The following EPHA5 variants were observed in gnomAD, a reference collection of about 807,000 sequenced individuals.
EPHA5 encodes the protein EPH receptor A5.
A neutral mutation model predicts 105.0 loss-of-function variants in EPHA5; 60 were observed. The observed-to-expected ratio is 0.57, with a 90% CI of 0.46 to 0.71. The LOEUF is 0.71. EPHA5 is among the 30% of genes least tolerant of loss of function. The pLI, the probability that EPHA5 is intolerant of heterozygous loss-of-function variation, is 0.00. For missense variants in EPHA5, 1,218 were observed against 1,274.7 expected (o/e 0.96, Z 0.68); for synonymous variants, 513 against 449.1 (o/e 1.14, Z -1.80).
intron 8 of EPHA5, among the ~76,000 whole-genome samples, chr4:65,393,368 A>T (rs1242321260): frequency 6.6e-6 from 1 of 152,142 alleles, no homozygotes; most frequent in African/African-American, 2.4e-5. Flanking sequence ...AAGTTTCTGT[A>T]ACAGCCTGTG....
intron 3 of EPHA5, among the ~76,000 whole-genome samples, chr4:65,522,291 G>A (rs1310776613): frequency 8.0e-6 from 1 of 125,324 alleles, no homozygotes; most frequent in East Asian, 2.1e-4. Context: ...ATGAACTTTA[G>A]AAATATGTGT....
intron 15 of EPHA5, among the ~76,000 whole-genome samples, chr4:65,333,509 T>TTG (rs1430354953): frequency 2.7e-5 from 4 of 147,334 alleles, no homozygotes; most frequent in East Asian, 4.0e-4. Flanking sequence ...TAAATCACAA[T>TTG]TGTGTGCGTG....
intron 1 of EPHA5, among the ~76,000 whole-genome samples, chr4:65,664,162 G>T (rs764577420): frequency 1.3e-5 from 2 of 151,808 alleles, no homozygotes. Flanking sequence ...CATGCTAATT[G>T]TTTTGGAAGT....
intron 4 of EPHA5, among the ~76,000 whole-genome samples, chr4:65,494,265 A>T (rs1184913824): frequency 6.6e-6 from 1 of 152,198 alleles, no homozygotes; most frequent in Admixed American, 6.5e-5. Context: ...TTTAGACACT[A>T]TGAAATTCAG....
At chr4:65,604,856 C>T (rs556311667) in intron 2 of EPHA5, among the ~76,000 whole-genome samples, 8 of 152,152 alleles carry the variant, frequency 5.3e-5, no homozygotes, top group African/African-American at 1.9e-4. Flanking sequence ...TAATAAAAGG[C>T]ACAGATAGGA....
chr4:65,621,922 A>T lies in EPHA5; in HGVS notation c.247-19618T>A, dbSNP rs560397797. ...ATTTCTGAAAACAAAGGAAAGCTGCATTCGTCATGAACATTAAGATCAGCA... is the reference window on the plus strand; with the variant it reads ...ATTTCTGAAAACAAAGGAAAGCTGCTTTCGTCATGAACATTAAGATCAGCA... On this transcript the variant is annotated intron_variant, in intron 2 of 16. Transcript: ENST00000613740. Among the ~76,000 whole-genome samples, 21 of 152,278 alleles carry T rather than the reference A, an allele frequency of 1.4e-4. No homozygotes were observed. The East Asian group carries it at 3.9e-3, about 28-fold the overall frequency.
At chr4:65,405,723 C>T (rs1438959977) in intron 7 of EPHA5, among the ~76,000 whole-genome samples, 1 of 151,972 alleles carries the variant, frequency 6.6e-6, no homozygotes, top group Non-Finnish European at 1.5e-5. Flanking sequence ...AATAGTATTA[C>T]CCTGTTTTCT....
At chr4:65,429,654 G>A (rs1160903508) in intron 5 of EPHA5, among the ~76,000 whole-genome samples, 1 of 151,804 alleles carries the variant, frequency 6.6e-6, no homozygotes, top group Non-Finnish European at 1.5e-5. Context: ...ATGAACAACA[G>A]AATAATTTAA....
At chr4:65,366,633 T>G (rs1031254525) in intron 9 of EPHA5, among the ~76,000 whole-genome samples, 3 of 151,850 alleles carry the variant, frequency 2.0e-5, no homozygotes, top group African/African-American at 7.2e-5. Context: ...CCTCATCAAG[T>G]TTTTTGGGAA....
At chr4:65,388,825 C>G (rs1325994817) in intron 8 of EPHA5, among the ~76,000 whole-genome samples, 4 of 151,380 alleles carry the variant, frequency 2.6e-5, no homozygotes, top group African/African-American at 9.7e-5. Context: ...TTAATTAGAT[C>G]CCATTTGTCA....
intron 7 of EPHA5, among the ~76,000 whole-genome samples, chr4:65,407,825 G>A (rs919588703): frequency 2.0e-5 from 3 of 151,618 alleles, no homozygotes; most frequent in South Asian, 2.1e-4. Context: ...GCATGATCTC[G>A]GCTCATTGCA....
chr4:65,651,385 A>T (rs185131111), intron 1 of EPHA5, among the ~76,000 whole-genome samples: 1 of 152,316 alleles, frequency 6.6e-6, no homozygotes, highest in Admixed American at 6.5e-5. Context: ...AGGAAGACAT[A>T]CTAACTGATA....
At chr4:65,466,695 C>A (rs757587222) in intron 5 of EPHA5, among the ~76,000 whole-genome samples, 10 of 152,140 alleles carry the variant, frequency 6.6e-5, no homozygotes, top group Non-Finnish European at 1.0e-4. Flanking sequence ...AGTTAGAATT[C>A]ACTGGATGAT....
intron 3 of EPHA5, among the ~76,000 whole-genome samples, chr4:65,524,489 C>G (rs574133092): frequency 6.6e-6 from 1 of 151,834 alleles, no homozygotes; most frequent in South Asian, 2.1e-4. Flanking sequence ...TATGTTTTCT[C>G]TCTCCAAACT....
chr4:65,525,396 T>C (rs1735134764), intron 3 of EPHA5, among the ~76,000 whole-genome samples: 1 of 151,798 alleles, frequency 6.6e-6, no homozygotes, highest in Admixed American at 6.6e-5. Context: ...TTATCATGAA[T>C]CTAATATATA....
chr4:65,442,252 G>A (rs754818406), intron 5 of EPHA5, among the ~76,000 whole-genome samples: 1 of 152,084 alleles, frequency 6.6e-6, no homozygotes, highest in Non-Finnish European at 1.5e-5. Flanking sequence ...GGGCCTCCAT[G>A]AGAAGAGCTC....
At chr4:65,551,145 G>A (rs1426019465) in intron 3 of EPHA5, among the ~76,000 whole-genome samples, 2 of 145,584 alleles carry the variant, frequency 1.4e-5, no homozygotes, top group East Asian at 4.0e-4. Context: ...GATGATAAAT[G>A]AGCATATCAT....
chr4:65,444,218 C>G (rs915653671), intron 5 of EPHA5, among the ~76,000 whole-genome samples: 1 of 152,098 alleles, frequency 6.6e-6, no homozygotes, highest in African/African-American at 2.4e-5. Context: ...TAGGGAAAAT[C>G]ACTTACCCGT....
rs143862232 is a variant in EPHA5, at chr4:65,503,654, A to G, written c.911-8111T>C. 3.4e-3 allele frequency among the ~76,000 whole-genome samples: 510 copies of G among 151,930 alleles called. 2 individuals are homozygous for G. The highest frequency in any genetic ancestry group is 5.2e-3 in the Non-Finnish European group (354 of 67,806). ...AATGAAACATAAAATAAATTTGGTT[A>G]CATATTCATTCATCTACAATATGTA... On this transcript the variant is annotated intron_variant, in intron 3 of 16. Coordinates refer to ENST00000613740, the MANE Select transcript of EPHA5 (RefSeq NM_001281766.3).
Sources: allele counts gnomAD v4.1 joint callset (sites outside exome capture counted in the v4.1 genomes callset), GRCh38; gene constraint gnomAD v4.1.1; transcripts MANE v1.5; gene names NCBI Gene and HGNC (gene_info 2026-07-23, HGNC 2026-07-21).